Variants in MARCHF1 observed in about 807,000 individuals in gnomAD.
MARCHF1 encodes the protein membrane associated ring-CH-type finger 1.
In MARCHF1, 40 loss-of-function variants were observed where a neutral mutation model predicts 54.2. The observed-to-expected ratio is 0.74, with a 90% confidence interval of 0.57 to 0.96. The LOEUF (loss-of-function observed/expected upper bound fraction) is 0.96. Among genes scored for constraint, MARCHF1 ranks in the 40% least tolerant of loss-of-function variants. The pLI is 0.00. For missense variants in MARCHF1, 586 were observed against 656.5 expected (o/e 0.89, Z 1.17); for synonymous variants, 236 against 236.3 (o/e 1.00, Z 0.01).
intron 1 of MARCHF1, among the ~76,000 whole-genome samples, chr4:164,318,842 T>C (rs373672083): frequency 5.9e-5 from 9 of 152,192 alleles, no homozygotes; most frequent in African/African-American, 2.2e-4. Flanking sequence ...AAAATTGAAT[T>C]TAATATGAGA....
intron 5 of MARCHF1, among the ~76,000 whole-genome samples, chr4:163,640,784 T>C (rs967631428): frequency 6.6e-6 from 1 of 152,138 alleles, no homozygotes; most frequent in African/African-American, 2.4e-5. Context: ...ATAGCAAAAT[T>C]GCATTTAATT....
intron 1 of MARCHF1, among the ~76,000 whole-genome samples, chr4:164,221,573 C>CT (rs1271241740): frequency 6.6e-6 from 1 of 151,946 alleles, no homozygotes; most frequent in African/African-American, 2.4e-5. Flanking sequence ...ATAAACCTAA[C>CT]TGTAGTGAAT....
At chr4:163,857,994 G>GA (rs1323320917) in intron 3 of MARCHF1, among the ~76,000 whole-genome samples, 1 of 148,610 alleles carries the variant, frequency 6.7e-6, no homozygotes, top group Non-Finnish European at 1.5e-5. Context: ...GATTTTGGAA[G>GA]ACTTTCCAAA....
chr4:163,876,122 T>C (rs1750281674), intron 3 of MARCHF1, among the ~76,000 whole-genome samples: 1 of 152,140 alleles, frequency 6.6e-6, no homozygotes, highest in African/African-American at 2.4e-5. Flanking sequence ...ACAGTAAAAA[T>C]TGATATTTGA....
chr4:164,187,631 A>C (rs546322102), intron 1 of MARCHF1, among the ~76,000 whole-genome samples: 3 of 152,298 alleles, frequency 2.0e-5, no homozygotes, highest in Admixed American at 2.0e-4. Flanking sequence ...GGCAAGGGCA[A>C]CTGGCAGCTG....
chr4:163,658,696 A>C (rs1743237112), intron 5 of MARCHF1, among the ~76,000 whole-genome samples: 1 of 152,052 alleles, frequency 6.6e-6, no homozygotes, highest in Non-Finnish European at 1.5e-5. Context: ...AGGAAGAGAA[A>C]ACCAAACACT....
chr4:163,982,653 A>G (rs1431743760), intron 3 of MARCHF1, among the ~76,000 whole-genome samples: 1 of 152,186 alleles, frequency 6.6e-6, no homozygotes, highest in African/African-American at 2.4e-5. Context: ...TTAAAGAAGG[A>G]CTGATCCACT....
intron 2 of MARCHF1, among the ~76,000 whole-genome samples, chr4:164,014,190 CA>C (rs70948689): frequency 2.2e-3 from 248 of 113,194 alleles, no homozygotes; most frequent in East Asian, 0.014. Flanking sequence ...GACTGCATCT[CA>C]AAAAAAAAAA....
intron 9 of MARCHF1, among the ~76,000 whole-genome samples, chr4:163,533,619 T>C (rs9993575): frequency 0.55 from 81,884 of 148,514 alleles, 23,075 homozygotes; most frequent in African/African-American, 0.7. Context: ...AACTCTCTCT[T>C]TACCTTCTTT....
At chr4:163,876,101 AC>A (rs1380343806) in intron 3 of MARCHF1, among the ~76,000 whole-genome samples, 21 of 152,134 alleles carry the variant, frequency 1.4e-4, no homozygotes, top group Non-Finnish European at 2.9e-5. Context: ...TTATATCATG[AC>A]AAACCCTAGA....
At chr4:163,975,188 TCTCTCTCTCACACACACACA>T (rs1752626648) in intron 3 of MARCHF1, among the ~76,000 whole-genome samples, 1 of 133,884 alleles carries the variant, frequency 7.5e-6, no homozygotes, top group Admixed American at 7.1e-5. Flanking sequence ...TCTCTCTCTC[TCTCTCTCTCACACACACACA>T]CACACACACA....
chr4:163,566,553 A>C (rs1367512327), intron 8 of MARCHF1, among the ~76,000 whole-genome samples: 4 of 152,164 alleles, frequency 2.6e-5, no homozygotes, highest in Admixed American at 2.6e-4. Context: ...TCCAACTGGC[A>C]TTTATTTTCT....
chr4:164,025,820 T>C (rs1258044194), intron 2 of MARCHF1, among the ~76,000 whole-genome samples: 4 of 151,598 alleles, frequency 2.6e-5, no homozygotes, highest in Non-Finnish European at 4.4e-5. Context: ...GAAAGATTGA[T>C]AGACTACTAG....
At chr4:164,006,175 T>A (rs1439781004) in intron 2 of MARCHF1, among the ~76,000 whole-genome samples, 2 of 152,064 alleles carry the variant, frequency 1.3e-5, no homozygotes, top group Non-Finnish European at 2.9e-5. Context: ...TGAAAAAGAA[T>A]TCAAAATAGC....
chr4:164,383,049 G>C (rs1458119734), intron 1 of MARCHF1: 1 of 152,224 alleles, frequency 6.6e-6, no homozygotes, highest in Non-Finnish European at 1.5e-5. Context: ...AAAAGAGCGA[G>C]AGTGAGTCTC....
chr4:163,806,528 C>T (rs544922333), intron 4 of MARCHF1, among the ~76,000 whole-genome samples: 1 of 152,326 alleles, frequency 6.6e-6, no homozygotes, highest in South Asian at 2.1e-4. Flanking sequence ...TGGTACCCAT[C>T]TCTCACCTTG....
chr4:164,044,490 T>C (rs576244357), intron 2 of MARCHF1, among the ~76,000 whole-genome samples: 1 of 152,104 alleles, frequency 6.6e-6, no homozygotes, highest in African/African-American at 2.4e-5. Flanking sequence ...TGCCCCATAA[T>C]CCAATCACCT....
intron 1 of MARCHF1, among the ~76,000 whole-genome samples, chr4:164,349,462 A>G (rs914292033): frequency 1.3e-5 from 2 of 152,172 alleles, no homozygotes; most frequent in Non-Finnish European, 2.9e-5. Context: ...CCCATTCAGA[A>G]CTATCAATCT....
intron 4 of MARCHF1, among the ~76,000 whole-genome samples, chr4:163,788,693 C>A (rs1006745627): frequency 6.6e-6 from 1 of 151,960 alleles, no homozygotes; most frequent in Non-Finnish European, 1.5e-5. Flanking sequence ...GAGGTACATG[C>A]TATCAATAAG....
Sources: gnomAD v4.1 joint callset for allele counts (sites outside exome capture counted in the v4.1 genomes callset) on GRCh38, gnomAD v4.1.1 for gene constraint, MANE v1.5 for transcripts, NCBI Gene and HGNC (gene_info 2026-07-23, HGNC 2026-07-21) for gene names.